Variants in UNC5B observed in about 807,000 individuals in gnomAD.
UNC5B encodes unc-5 netrin receptor B.
A neutral mutation model predicts 103.7 loss-of-function variants in UNC5B; 56 were observed. That is an observed-to-expected ratio of 0.54 (90% CI 0.44 to 0.67). The LOEUF is 0.67. UNC5B is among the 30% of genes least tolerant of loss of function. UNC5B has a pLI of 0.00. For synonymous variants in UNC5B, 577 were observed against 542.0 expected, an observed-to-expected ratio of 1.06 and a Z score of -0.90; for missense variants, 1,194 against 1,284.5, an observed-to-expected ratio of 0.93 and a Z score of 1.08.
At position 71,285,438 on chromosome 10, in the gene UNC5B, G is replaced by A; in HGVS notation, c.552+9G>A. The A allele has an allele frequency of 2.5e-6, 4 of 1,576,850 alleles. No homozygotes were observed. Among genetic ancestry groups the A allele is most frequent in the Non-Finnish European group, 2.6e-6 (3 of 1,164,558 alleles). ...GGGTGCCTGTGGCCGAGGTGAGCGG[G>A]GACGTAGGGACCACTGAGCACGGCC... On this transcript the variant is annotated intron_variant, in intron 4 of 16. Transcript: ENST00000335350.
chr10:71,259,373 G>A (rs1275502586), intron 1 of UNC5B, among the ~76,000 whole-genome samples: 1 of 145,366 alleles, frequency 6.9e-6, no homozygotes, highest in Admixed American at 6.9e-5. Flanking sequence ...GTGATATAGC[G>A]AGACTCCATC....
At chr10:71,290,750 C>A (rs1411981357) in intron 8 of UNC5B, among the ~76,000 whole-genome samples, 165 bp from the exon 9 acceptor site, 1 of 152,224 alleles carries the variant, frequency 6.6e-6, no homozygotes, top group African/African-American at 2.4e-5. Context: ...TAGAGAGGTT[C>A]AAGGCTAGCC....
At chr10:71,242,952 G>A (rs1449152208) in intron 1 of UNC5B, among the ~76,000 whole-genome samples, 1 of 152,184 alleles carries the variant, frequency 6.6e-6, no homozygotes, top group East Asian at 1.9e-4. Flanking sequence ...AGTCTGGGGA[G>A]CCGGGCGCGG....
At chr10:71,289,419 A>C (rs1845188671) in intron 8 of UNC5B, among the ~76,000 whole-genome samples, 2 of 151,820 alleles carry the variant, frequency 1.3e-5, no homozygotes, top group African/African-American at 2.4e-5. Context: ...CCCTTGCTGT[A>C]CCTCTCTGCC....
chr10:71,233,574 C>T (rs2132252213), intron 1 of UNC5B, among the ~76,000 whole-genome samples: 1 of 152,296 alleles, frequency 6.6e-6, no homozygotes, highest in South Asian at 2.1e-4. Context: ...CAGAGGTGGC[C>T]ACCGTCCCAG....
intron 1 of UNC5B, among the ~76,000 whole-genome samples, chr10:71,214,633 G>T (rs796611125): frequency 3.3e-5 from 5 of 152,254 alleles, no homozygotes; most frequent in African/African-American, 1.2e-4. Context: ...GGGCAGGGTT[G>T]TGTCTTGGGA....
chr10:71,287,483 C>A, intron 5 of UNC5B, 115 bp from the exon 6 acceptor site: 1 of 1,331,812 alleles, frequency 7.5e-7, no homozygotes, highest in Non-Finnish European at 1.0e-6. Context: ...CAAAAGGGGT[C>A]TCACTAGGAA....
At position 71,231,431 on chromosome 10, in the gene UNC5B, C is replaced by T. The variant is rs187779887; in HGVS notation, c.79+18367C>T. ...CCCTCCCCAGAGAGTCCTTTCCTGG[C>T]CCCCTGCCTCTTTTACTCTTCTTCC... On this transcript the variant is annotated intron_variant, in intron 1 of 16. Transcript: ENST00000335350. Among the ~76,000 whole-genome samples, 73 of 152,296 alleles carry T rather than the reference C, an allele frequency of 4.8e-4. 1 individual carries two copies. Among genetic ancestry groups the T allele is most frequent in the African/African-American group, 1.8e-3 (73 of 41,572 alleles).
chr10:71,297,905 G>C lies in UNC5B; in HGVS notation c.2491-4G>C, dbSNP rs1259320328. The C allele has an allele frequency of 1.2e-6, 2 of 1,610,076 alleles. No homozygotes were observed. The highest frequency in any genetic ancestry group is 3.3e-5 in the Admixed American group (2 of 59,810). On this transcript the variant is annotated splice_region_variant and splice_polypyrimidine_tract_variant and intron_variant, in intron 15 of 16. Transcript: ENST00000335350. ...CCTCTCACTCTTGGCCCCCACCCTTGCAGACACCTGCTGGCTCCCTGGACA... is the reference window on the plus strand; with the variant it reads ...CCTCTCACTCTTGGCCCCCACCCTTCCAGACACCTGCTGGCTCCCTGGACA...
chr10:71,293,949 G>T lies in UNC5B; in HGVS notation c.2175+16G>T. On this transcript the variant is annotated intron_variant, in intron 13 of 16. Transcript: ENST00000335350. ...AGCACTGAAGGTAGGGCCAGCTGCA[G>T]GTGCCCACACAGCCCTGGCCGGCCA... is the stretch of plus-strand genomic sequence containing the variant. 6.3e-7 allele frequency: 1 copy of T among 1,577,412 alleles called. No homozygotes were observed.
chr10:71,249,276 G>A (rs1844120036), intron 1 of UNC5B, among the ~76,000 whole-genome samples: 2 of 152,208 alleles, frequency 1.3e-5, no homozygotes, highest in South Asian at 4.1e-4. Flanking sequence ...CTGGGCACCA[G>A]TAACCTGGCA....
chr10:71,269,248 T>C (rs1844589865), intron 1 of UNC5B, among the ~76,000 whole-genome samples: 1 of 151,972 alleles, frequency 6.6e-6, no homozygotes, highest in South Asian at 2.1e-4. Context: ...CATCTTTTTT[T>C]TTTCTAGATT....
In UNC5B at chr10:71,290,825, G is replaced by T; in HGVS notation, c.1100-90G>T. On this transcript the variant is annotated intron_variant, in intron 8 of 16. Transcript: ENST00000335350. ...CTCAGCACCGGGCCGGTTGGCCCTG[G>T]GCCCTGCCCTTTCCAGGGACCCAGG... is the stretch of plus-strand genomic sequence containing the variant. The T allele has an allele frequency of 2.1e-6, 3 of 1,462,076 alleles. No individual in the cohort carries two copies. In the African/African-American group the frequency reaches 4.2e-5, roughly 21 times the overall value. The allele number at this position is 1,462,076 out of a possible 1,614,324, so 90.6% of individuals were successfully genotyped here.
Position 71,213,110 on chromosome 10 carries a change from C to T in UNC5B, c.79+46C>T, listed in dbSNP as rs1843261311. 4.8e-6 allele frequency: 6 copies of T among 1,240,408 alleles called. No homozygotes were observed. The highest frequency in any genetic ancestry group is 3.4e-5 in the South Asian group (1 of 29,606). 76.8% of individuals were successfully genotyped at this position (1,240,408 alleles called of 1,614,324 possible). A position where few individuals can be genotyped will look rare whatever the true frequency, so the allele number is the denominator to read the frequency against. ...GGGGCGCGGGGCTAGGGGACCCTTG[C>T]GCCTCACTCTGTCCTGAAGTTGAGG... On this transcript the variant is annotated intron_variant, in intron 1 of 16. Transcript: ENST00000335350. The surrounding 1 kb of genome is among the most constrained non-coding windows in gnomAD (Gnocchi z 4.1).
chr10:71,233,476 C>T (rs549740106), intron 1 of UNC5B, among the ~76,000 whole-genome samples: 1 of 152,330 alleles, frequency 6.6e-6, no homozygotes, highest in South Asian at 2.1e-4. Context: ...TTTGCCTCTC[C>T]CACTGGCCAA....
chr10:71,283,775 G>A (rs375967300), intron 2 of UNC5B, among the ~76,000 whole-genome samples: 12 of 151,474 alleles, frequency 7.9e-5, no homozygotes, highest in Non-Finnish European at 1.2e-4. Flanking sequence ...TGTGTAGGCC[G>A]GTAGGTCCTG....
intron 1 of UNC5B, among the ~76,000 whole-genome samples, chr10:71,278,335 G>A (rs1446025881): frequency 6.6e-6 from 1 of 152,194 alleles, no homozygotes; most frequent in Non-Finnish European, 1.5e-5. Context: ...GACGGGGTAA[G>A]GTTGTCCACC....
intron 1 of UNC5B, among the ~76,000 whole-genome samples, chr10:71,267,211 G>A (rs1844542764): frequency 6.6e-6 from 1 of 152,148 alleles, no homozygotes; most frequent in Non-Finnish European, 1.5e-5. Flanking sequence ...AGTAAAAGTG[G>A]TCCCATTTCT....
At chr10:71,225,247 A>G (rs2132242454) in intron 1 of UNC5B, among the ~76,000 whole-genome samples, 1 of 127,672 alleles carries the variant, frequency 7.8e-6, no homozygotes, top group South Asian at 2.5e-4. Context: ...GAGGTGCTTC[A>G]GAAACTGTTC....
Sources: gnomAD v4.1 joint callset for allele counts (sites outside exome capture counted in the v4.1 genomes callset) on GRCh38, gnomAD v4.1.1 for gene constraint, Gnocchi (gnomAD v3.1) non-coding constraint, MANE v1.5 for transcripts, NCBI Gene and HGNC (gene_info 2026-07-23, HGNC 2026-07-21) for gene names.